Variants in ZNF782 observed in about 807,000 individuals in gnomAD.
ZNF782 encodes the protein zinc finger protein 782.
In ZNF782, 12 loss-of-function variants were observed where a neutral mutation model predicts 13.0. The observed-to-expected ratio is 0.92, with a 90% CI of 0.59 to 1.50. ZNF782 has a LOEUF of 1.50. Ranked by LOEUF, ZNF782 falls within the 40% of genes most tolerant of loss-of-function variation. The probability of loss-of-function intolerance (pLI) is 0.00; values close to 1 mark genes in which losing one functional copy is unlikely to be tolerated. For synonymous variants in ZNF782, 284 were observed against 283.0 expected (o/e 1.00, Z -0.04); for missense variants, 770 against 822.9 (o/e 0.94, Z 0.79).
chr9:96,836,062 G>A (rs1850984325), intron 4 of ZNF782, among the ~76,000 whole-genome samples: 1 of 152,224 alleles, frequency 6.6e-6, no homozygotes. Context: ...AGCTATCCAA[G>A]GGCTTGGAAG....
upstream of ZNF782, among the ~76,000 whole-genome samples, chr9:96,856,515 A>T (rs2118848820): frequency 6.6e-6 from 1 of 152,360 alleles, no homozygotes; most frequent in East Asian, 1.9e-4. Context: ...ATCAAAGGTC[A>T]GTCTTAGGAC....
intron 3 of ZNF782, among the ~76,000 whole-genome samples, chr9:96,845,331 G>A (rs867237277): frequency 3.3e-5 from 5 of 152,052 alleles, no homozygotes; most frequent in East Asian, 3.9e-4. Flanking sequence ...GTGCGATCTC[G>A]GCTCACTGCA....
At chr9:96,905,924 C>G in the ZNF782 span, among the ~76,000 whole-genome samples, 4 of 152,112 alleles carry the variant, frequency 2.6e-5, no homozygotes, top group African/African-American at 4.8e-5. Context: ...TCACTTTACT[C>G]TATGGACTTG....
chr9:96,818,235 T>C lies in ZNF782; in HGVS notation c.1788A>G (p.Gly596=). 1 of 1,613,392 alleles carries C rather than the reference T, an allele frequency of 6.2e-7. No homozygotes were observed. The highest frequency in any genetic ancestry group is 8.5e-7 in the Non-Finnish European group (1 of 1,179,834). Residue 596 remains glycine (G), a synonymous_variant, in exon 6 of 6, where the codon GGA becomes GGG. Transcript: ENST00000481138. The part of the protein sequence containing the change: ...GEKPYQCEEC[G]KTFRQKSNLR... ...GATTTGATTTCTGCCTGAATGTTTT[T>C]CCACACTCCTCACATTGATAGGGTT...
chr9:96,882,317 A>G, the ZNF782 span, among the ~76,000 whole-genome samples: 3 of 152,162 alleles, frequency 2.0e-5, no homozygotes, highest in Non-Finnish European at 4.4e-5. Context: ...CATGTCTACT[A>G]TGATTCACCA....
At chr9:96,911,516 G>GTTTTT in the ZNF782 span, among the ~76,000 whole-genome samples, 1 of 111,948 alleles carries the variant, frequency 8.9e-6, no homozygotes, top group Non-Finnish European at 1.9e-5. Context: ...TTTTGTTTTT[G>GTTTTT]TTTTGTTTTG....
At chr9:96,926,044 T>A in the ZNF782 span, among the ~76,000 whole-genome samples, 1 of 129,026 alleles carries the variant, frequency 7.8e-6, no homozygotes, top group African/African-American at 3.6e-5. Flanking sequence ...CTAATTTGAT[T>A]GTCTCTCCTC....
chr9:96,902,529 G>A, the ZNF782 span, among the ~76,000 whole-genome samples: 3 of 129,232 alleles, frequency 2.3e-5, no homozygotes, highest in Non-Finnish European at 4.6e-5. Context: ...AAGATACATA[G>A]AATTACATAT....
intron 5 of ZNF782, among the ~76,000 whole-genome samples, chr9:96,823,360 T>C (rs1399851258): frequency 1.3e-5 from 2 of 152,258 alleles, no homozygotes; most frequent in Non-Finnish European, 2.9e-5. Context: ...AAAGTCTATG[T>C]GACCTAATAT....
upstream of ZNF782, chr9:96,875,685 G>A (rs542923783): frequency 1.1e-5 from 5 of 443,852 alleles, no homozygotes; most frequent in South Asian, 6.4e-5. Context: ...TAGCGTGAGG[G>A]GGTCGATCCT....
chr9:96,869,133 TAAG>T (rs1458880249), intron 1 of ZNF782, among the ~76,000 whole-genome samples: 1 of 152,024 alleles, frequency 6.6e-6, no homozygotes, highest in Non-Finnish European at 1.5e-5. Flanking sequence ...TAGATCATAT[TAAG>T]AAGTGATTAG....
In ZNF782 at chr9:96,839,668, C is replaced by A. The variant is rs77615289; in HGVS notation, c.142+5222G>T. On this transcript the variant is annotated intron_variant, in intron 4 of 5. Coordinates refer to ENST00000481138, the MANE Select transcript of ZNF782 (RefSeq NM_001001662.3). ...TCCTGCTCTAATCACTCACCCCCCC[C>A]ACCTGCTAAATTTTATTACTTTCTG... Among the ~76,000 whole-genome samples, 1,425 of 152,178 alleles carry A rather than the reference C, an allele frequency of 9.4e-3. 51 individuals are homozygous for A. In the East Asian group the frequency reaches 0.1, roughly 11 times the overall value.
chr9:96,882,098 T>C, the ZNF782 span, among the ~76,000 whole-genome samples: 4 of 152,064 alleles, frequency 2.6e-5, no homozygotes, highest in Non-Finnish European at 5.9e-5. Context: ...GTGTTCAGGC[T>C]TTCAATAGTT....
At chr9:96,921,130 A>C in the ZNF782 span, among the ~76,000 whole-genome samples, 2 of 148,606 alleles carry the variant, frequency 1.3e-5, no homozygotes, top group African/African-American at 5.0e-5. Context: ...ATCCTACAAA[A>C]ACAGAATATT....
chr9:96,917,764 C>T, the ZNF782 span, among the ~76,000 whole-genome samples: 1 of 151,546 alleles, frequency 6.6e-6, no homozygotes, highest in Non-Finnish European at 1.5e-5. Flanking sequence ...TCACTCTTTG[C>T]CCAGAATGCA....
At chr9:96,926,333 G>C in the ZNF782 span, among the ~76,000 whole-genome samples, 1,782 of 151,042 alleles carry the variant, frequency 0.012, 3 homozygotes, top group African/African-American at 0.041. Flanking sequence ...TTTTTGCCCC[G>C]TGATAAAAGA....
chr9:96,925,628 C>CAAAAAA, the ZNF782 span, among the ~76,000 whole-genome samples: 1 of 85,590 alleles, frequency 1.2e-5, no homozygotes. Flanking sequence ...GACTCTATCT[C>CAAAAAA]AAAAAAAAAA....
chr9:96,918,024 G>C, the ZNF782 span, among the ~76,000 whole-genome samples: 1 of 150,854 alleles, frequency 6.6e-6, no homozygotes, highest in Admixed American at 6.6e-5. Context: ...TTGTACGTAT[G>C]GGCCACCACA....
intron 5 of ZNF782, 133 bp downstream of exon 5, chr9:96,826,947 T>G: frequency 1.7e-6 from 1 of 601,614 alleles, no homozygotes; most frequent in South Asian, 2.7e-5. Flanking sequence ...CCCATGCACC[T>G]TTTATCTCTG....
Sources: allele counts gnomAD v4.1 joint callset (sites outside exome capture counted in the v4.1 genomes callset), GRCh38; gene constraint gnomAD v4.1.1; transcripts MANE v1.5; gene names NCBI Gene and HGNC (gene_info 2026-07-23, HGNC 2026-07-21).